The following CSMD1 variants were observed in gnomAD, a reference collection of about 807,000 sequenced individuals.
The protein encoded by CSMD1 is CUB and sushi domain-containing protein 1.
Under a neutral mutation model 417.5 loss-of-function variants are expected in CSMD1, and 213 were observed. The observed-to-expected ratio is 0.51, with a 90% CI of 0.46 to 0.57. The LOEUF is 0.57. Among genes scored for constraint, CSMD1 ranks in the 20% least tolerant of loss-of-function variants. The pLI, the probability that CSMD1 is intolerant of heterozygous loss-of-function variation, is 0.00. For synonymous variants in CSMD1, 2,862 were observed against 1,736.8 expected, an observed-to-expected ratio of 1.65 and a Z score of -16.11; for missense variants, 6,923 against 4,529.7, an observed-to-expected ratio of 1.53 and a Z score of -15.17.
At chr8:4,450,360 G>A (rs1585096067) in intron 2 of CSMD1, among the ~76,000 whole-genome samples, 1 of 152,102 alleles carries the variant, frequency 6.6e-6, no homozygotes, top group South Asian at 2.1e-4. Context: ...GGGTGTGGTG[G>A]CTCACACCTG....
At chr8:4,031,484 C>G (rs1262775230) in intron 4 of CSMD1, among the ~76,000 whole-genome samples, 3 of 152,172 alleles carry the variant, frequency 2.0e-5, no homozygotes, top group Non-Finnish European at 4.4e-5. Flanking sequence ...CACTTACCCC[C>G]ATGATTCAAT....
chr8:3,224,071 G>A (rs926604914), intron 27 of CSMD1, among the ~76,000 whole-genome samples: 5 of 152,120 alleles, frequency 3.3e-5, no homozygotes, highest in African/African-American at 1.2e-4. Flanking sequence ...AACTGTTAAT[G>A]AATTTTACAT....
intron 10 of CSMD1, among the ~76,000 whole-genome samples, chr8:3,531,945 G>A (rs1172906127): frequency 2.0e-5 from 3 of 152,144 alleles, no homozygotes; most frequent in East Asian, 3.9e-4. Context: ...TTAGGCTGAG[G>A]ACCCACCTGC....
rs754224272 is a variant in CSMD1, at chr8:3,151,404, G to T, written c.6024C>A (p.Ile2008=). Residue 2008 remains isoleucine, a synonymous_variant, in exon 40 of 70, where the codon ATC becomes ATA. Coordinates refer to ENST00000635120, the MANE Select transcript of CSMD1 (RefSeq NM_033225.6). The part of the protein sequence containing the change: ...LDCTWRISLP[I]GYGAHIQFLN... ...GGTAACATTTTCACTTACCATAGCCGATGGGTAATGAGATCCTCCAGGTGC... is the reference window on the plus strand; with the variant it reads ...GGTAACATTTTCACTTACCATAGCCTATGGGTAATGAGATCCTCCAGGTGC... 1 of 1,604,948 alleles carries T rather than the reference G, an allele frequency of 6.2e-7. No homozygotes were observed. Among genetic ancestry groups the T allele is most frequent in the Admixed American group, 1.7e-5 (1 of 59,882 alleles).
At chr8:3,609,569 C>T (rs1269042295) in intron 8 of CSMD1, among the ~76,000 whole-genome samples, 2 of 151,680 alleles carry the variant, frequency 1.3e-5, no homozygotes, top group African/African-American at 4.8e-5. Context: ...TAAATGAAAC[C>T]AGATGAGGAA....
chr8:3,703,611 C>G (rs538598614), intron 7 of CSMD1, among the ~76,000 whole-genome samples: 1 of 152,074 alleles, frequency 6.6e-6, no homozygotes, highest in Non-Finnish European at 1.5e-5. Flanking sequence ...AAGGTACAAT[C>G]AAGGTAGGTC....
intron 5 of CSMD1, among the ~76,000 whole-genome samples, chr8:3,993,341 T>C (rs980347927): frequency 4.6e-5 from 7 of 152,212 alleles, no homozygotes; most frequent in Admixed American, 2.6e-4. Flanking sequence ...TTACTCAGCA[T>C]GTTCCTCTAT....
intron 1 of CSMD1, among the ~76,000 whole-genome samples, chr8:4,701,676 C>T (rs906325195): frequency 6.6e-6 from 1 of 151,894 alleles, no homozygotes; most frequent in Non-Finnish European, 1.5e-5. Flanking sequence ...CTCTGTCAAA[C>T]CTTTCTCCTT....
At chr8:3,020,410 A>G (rs1416804637) in intron 51 of CSMD1, among the ~76,000 whole-genome samples, 1 of 152,200 alleles carries the variant, frequency 6.6e-6, no homozygotes, top group Non-Finnish European at 1.5e-5. Flanking sequence ...TCTGTCACTC[A>G]GGCTAGGGTG....
chr8:3,135,034 C>T (rs1009622577), intron 41 of CSMD1, among the ~76,000 whole-genome samples: 3 of 152,108 alleles, frequency 2.0e-5, no homozygotes, highest in Admixed American at 2.0e-4. Context: ...GGCAGTCCTC[C>T]CACCTCAGCC....
intron 7 of CSMD1, among the ~76,000 whole-genome samples, chr8:3,653,475 T>C (rs935445478): frequency 6.6e-6 from 1 of 152,016 alleles, no homozygotes; most frequent in Non-Finnish European, 1.5e-5. Flanking sequence ...CACCCGGCTA[T>C]TTTTCATATT....
chr8:3,743,575 A>C lies in CSMD1; in HGVS notation c.931+10355T>G, dbSNP rs577290667. On this transcript the variant is annotated intron_variant, in intron 6 of 69. Coordinates refer to ENST00000635120, the MANE Select transcript of CSMD1 (RefSeq NM_033225.6). ...AATTAAATCTTGGGACCTCAAACTC[A>C]TTACGCCGAAGGGAAAAGTCAAGCT... Among the ~76,000 whole-genome samples, 3 of 152,282 alleles carry C rather than the reference A, an allele frequency of 2.0e-5. No homozygotes were observed. The South Asian group carries it at 6.2e-4, about 32-fold the overall frequency.
intron 3 of CSMD1, among the ~76,000 whole-genome samples, chr8:4,243,445 C>T (rs996376936): frequency 1.3e-5 from 2 of 152,154 alleles, no homozygotes; most frequent in African/African-American, 4.8e-5. Context: ...GTAACTGACA[C>T]TCTTCCCAGA....
intron 3 of CSMD1, among the ~76,000 whole-genome samples, chr8:4,049,960 G>A (rs1279554337): frequency 6.6e-6 from 1 of 152,260 alleles, no homozygotes; most frequent in South Asian, 2.1e-4. Context: ...CTCTTTAGGT[G>A]TCTCCTGGCT....
rs897838073 is a variant in CSMD1 at position 4,053,098 on chromosome 8, C to T, written c.416-20999G>A. On this transcript the variant is annotated intron_variant, in intron 3 of 69. Transcript: ENST00000635120. The stretch of plus-strand genomic sequence containing the variant: ...AAAGGATGATTGGAATAAGAAGGGG[C>T]TGATACGAGGACCCCTTGCCCAGGA... Among the ~76,000 whole-genome samples, 22 of 152,128 alleles carry T rather than the reference C, an allele frequency of 1.4e-4. 1 individual carries two copies. The highest frequency in any genetic ancestry group is 1.3e-3 in the Admixed American group (20 of 15,270).
intron 10 of CSMD1, among the ~76,000 whole-genome samples, chr8:3,525,558 T>C (rs1460693292): frequency 2.0e-5 from 3 of 152,174 alleles, no homozygotes; most frequent in African/African-American, 7.2e-5. Context: ...TTGCCTCTCT[T>C]GACAGTTCAG....
intron 3 of CSMD1, among the ~76,000 whole-genome samples, chr8:4,245,455 C>A (rs150349333): frequency 2.6e-5 from 4 of 152,084 alleles, no homozygotes; most frequent in African/African-American, 9.7e-5. Context: ...AACACAATCA[C>A]GAGACACCCA....
chr8:3,313,047 T>A (rs1305120560), intron 23 of CSMD1, among the ~76,000 whole-genome samples: 1 of 152,208 alleles, frequency 6.6e-6, no homozygotes. Context: ...AATTCTGAAA[T>A]GACAACATAA....
intron 25 of CSMD1, among the ~76,000 whole-genome samples, chr8:3,307,487 T>C (rs1201590730): frequency 6.6e-6 from 1 of 152,232 alleles, no homozygotes; most frequent in Non-Finnish European, 1.5e-5. Context: ...ACTCTCATTT[T>C]GGCTTTACTA....
Sources: allele counts gnomAD v4.1 joint callset (sites outside exome capture counted in the v4.1 genomes callset), GRCh38; gene constraint gnomAD v4.1.1; transcripts MANE v1.5; gene names NCBI Gene and HGNC (gene_info 2026-07-23, HGNC 2026-07-21).